The following NBAS variants were observed in gnomAD, a reference collection of about 807,000 sequenced individuals.
NBAS encodes the protein NBAS subunit of NRZ tethering complex.
In NBAS, 219 loss-of-function variants were observed where a neutral mutation model predicts 302.5. The observed-to-expected ratio is 0.72, with a 90% CI of 0.65 to 0.81. NBAS has a LOEUF of 0.81. Among genes scored for constraint, NBAS ranks in the 30% least tolerant of loss-of-function variants. NBAS has a pLI of 0.00. For missense variants in NBAS, 2,932 were observed against 2,841.6 expected (o/e 1.03, Z -0.72); for synonymous variants, 1,118 against 1,021.6 (o/e 1.09, Z -1.80).
intron 21 of NBAS, 39 bp downstream of exon 21, chr2:15,461,162 T>TA (rs764147234): frequency 2.2e-6 from 3 of 1,356,896 alleles, no homozygotes; most frequent in East Asian, 4.6e-5. Flanking sequence ...ATTATCAATA[T>TA]AAAAAAGAAG....
intron 10 of NBAS, among the ~76,000 whole-genome samples, chr2:15,505,995 C>A (rs1300072862): frequency 1.3e-5 from 2 of 151,230 alleles, no homozygotes; most frequent in African/African-American, 4.9e-5. Flanking sequence ...GAATAAATTA[C>A]AAGGTACTCA....
At chr2:15,501,702 A>G (rs889219844) in intron 11 of NBAS, among the ~76,000 whole-genome samples, 2 of 151,344 alleles carry the variant, frequency 1.3e-5, no homozygotes, top group African/African-American at 4.9e-5. Flanking sequence ...AATGAACTAA[A>G]TATTAATAAT....
Position 15,238,589 on chromosome 2 carries a change from G to C in NBAS, c.5822C>G (p.Ala1941Gly), listed in dbSNP as rs370974818. The C allele has an allele frequency of 7.4e-6, 12 of 1,613,718 alleles. No individual in the cohort carries two copies. Among genetic ancestry groups the C allele is most frequent in the Non-Finnish European group, 1.0e-5 (12 of 1,179,998 alleles). ...KPRKRNSEDEAQEAKDSKVTY... is the reference protein window; with the variant it reads ...KPRKRNSEDEGQEAKDSKVTY... Reference sequence around the variant, plus strand: ...AACTTTAGAATCCTTAGCTTCTTGAGCTTCGTCTTCTGAGTTTCTTTTCCT... The same window carrying C: ...AACTTTAGAATCCTTAGCTTCTTGACCTTCGTCTTCTGAGTTTCTTTTCCT... Residue 1941 changes from alanine to glycine, a missense_variant, in exon 45 of 52, where the codon GCT (alanine) becomes GGT (glycine). Ala to Gly is a moderately conservative substitution (Grantham distance 60). Transcript: ENST00000281513.
the NBAS span, among the ~76,000 whole-genome samples, chr2:14,786,533 G>A: frequency 2.6e-4 from 40 of 152,000 alleles, no homozygotes; most frequent in South Asian, 8.4e-4. Flanking sequence ...CTTTGTTCTC[G>A]TTGGTTTCAA....
intron 21 of NBAS, among the ~76,000 whole-genome samples, chr2:15,449,281 C>T (rs187385204): frequency 6.4e-4 from 98 of 152,232 alleles, no homozygotes; most frequent in African/African-American, 2.3e-3. Context: ...TTCACTGATG[C>T]CTCACAATCT....
chr2:15,231,027 G>A (rs958843704), intron 47 of NBAS, among the ~76,000 whole-genome samples: 7 of 152,098 alleles, frequency 4.6e-5, no homozygotes, highest in Non-Finnish European at 7.4e-5. Context: ...TCTGTACAGC[G>A]CTTCCCATTC....
At chr2:15,521,999 G>T (rs1662695669) in intron 9 of NBAS, among the ~76,000 whole-genome samples, 1 of 152,160 alleles carries the variant, frequency 6.6e-6, no homozygotes, top group African/African-American at 2.4e-5. Context: ...ACAGAGCAAA[G>T]AAAACATGAG....
the NBAS span, among the ~76,000 whole-genome samples, chr2:14,964,417 C>T: frequency 6.6e-6 from 1 of 152,014 alleles, no homozygotes; most frequent in African/African-American, 2.4e-5. Flanking sequence ...ACAGAAGAAA[C>T]TGGAATGGCA....
chr2:14,959,653 G>T, the NBAS span, among the ~76,000 whole-genome samples: 1 of 152,142 alleles, frequency 6.6e-6, no homozygotes, highest in African/African-American at 2.4e-5. Context: ...TGAACTATTT[G>T]AAATTCTGTC....
intron 47 of NBAS, among the ~76,000 whole-genome samples, chr2:15,230,719 A>AGCCTAGCCTGAAAGAAGCTGC (rs1667347140): frequency 6.6e-6 from 1 of 152,202 alleles, no homozygotes; most frequent in Non-Finnish European, 1.5e-5. Context: ...ATCCAGAGTC[A>AGCCTAGCCTGAAAGAAGCTGC]GCCTAGCCTG....
intron 40 of NBAS, among the ~76,000 whole-genome samples, chr2:15,296,825 G>A (rs140199772): frequency 0.011 from 1,613 of 152,224 alleles, 17 homozygotes; most frequent in Non-Finnish European, 0.014. Context: ...GGGACAGAAT[G>A]AGATCCTGAT....
At chr2:15,011,783 C>T in the NBAS span, among the ~76,000 whole-genome samples, 47 of 152,170 alleles carry the variant, frequency 3.1e-4, no homozygotes, top group African/African-American at 8.7e-4. Context: ...GCCTAGGTTA[C>T]GGAGACACTC....
At chr2:14,964,690 C>T in the NBAS span, among the ~76,000 whole-genome samples, 2 of 152,054 alleles carry the variant, frequency 1.3e-5, no homozygotes, top group Non-Finnish European at 2.9e-5. Context: ...TTGAAAATAA[C>T]ACCACACAAC....
intron 48 of NBAS, among the ~76,000 whole-genome samples, chr2:15,197,415 G>T (rs1665673849): frequency 6.6e-6 from 1 of 152,122 alleles, no homozygotes; most frequent in African/African-American, 2.4e-5. Flanking sequence ...TGTAATTTGT[G>T]CTGATGACGT....
At chr2:15,387,661 T>C (rs1675371047) in intron 28 of NBAS, among the ~76,000 whole-genome samples, 1 of 151,742 alleles carries the variant, frequency 6.6e-6, no homozygotes, top group Non-Finnish European at 1.5e-5. Flanking sequence ...AGACAGTGTC[T>C]TACTCTGTTG....
At chr2:15,546,871 G>A (rs537562593) in intron 6 of NBAS, among the ~76,000 whole-genome samples, 3 of 152,336 alleles carry the variant, frequency 2.0e-5, no homozygotes, top group Admixed American at 6.5e-5. Context: ...AGGCAACCAG[G>A]AGAAGTTCAA....
At chr2:15,050,521 C>T in the NBAS span, among the ~76,000 whole-genome samples, 1 of 152,196 alleles carries the variant, frequency 6.6e-6, no homozygotes, top group Non-Finnish European at 1.5e-5. Flanking sequence ...ATGACACACA[C>T]ATGAAATGGG....
rs16862525 is a variant in NBAS, at chr2:15,366,796, A to T, written c.3704-103T>A. ...ATCCAAAGAAAATGAAAACTGGGTA[A>T]GGCATCAGATGAAGGAGAATTAAGT... On this transcript the variant is annotated intron_variant, in intron 31 of 51. Transcript: ENST00000281513. The T allele has an allele frequency of 0.016, 16,700 of 1,025,024 alleles. 822 individuals carry two copies. Among genetic ancestry groups the T allele is most frequent in the African/African-American group, 0.14 (8,610 of 63,242 alleles). 63.5% of individuals were successfully genotyped at this position (1,025,024 alleles called of 1,614,324 possible). A position where few individuals can be genotyped will look rare whatever the true frequency, so the allele number is the denominator to read the frequency against.
At chr2:15,462,223 C>T (rs1261290314) in intron 19 of NBAS, among the ~76,000 whole-genome samples, 1 of 152,174 alleles carries the variant, frequency 6.6e-6, no homozygotes, top group African/African-American at 2.4e-5. Flanking sequence ...GTGCCACTCA[C>T]CATGTGCTAA....
Sources: gnomAD v4.1 joint callset for allele counts (sites outside exome capture counted in the v4.1 genomes callset) on GRCh38, gnomAD v4.1.1 for gene constraint, MANE v1.5 for transcripts, NCBI Gene and HGNC (gene_info 2026-07-23, HGNC 2026-07-21) for gene names.